AATK: variants seen among roughly 807,000 people sequenced by gnomAD.
AATK encodes the protein lemur tail kinase 1, also known as serine/threonine-protein kinase LMTK1.
A neutral mutation model predicts 114.3 loss-of-function variants in AATK; 91 were observed. The observed-to-expected ratio is 0.80, with a 90% confidence interval of 0.67 to 0.95. The LOEUF (loss-of-function observed/expected upper bound fraction) is 0.95. AATK is among the 40% of genes least tolerant of loss of function. The pLI is 0.00. For missense variants in AATK, 2,176 were observed against 1,965.2 expected (o/e 1.11, Z -2.03); for synonymous variants, 1,075 against 916.5 (o/e 1.17, Z -3.12).
chr17:81,138,186 C>CGT (rs1567817590), intron 1 of AATK, among the ~76,000 whole-genome samples: 2 of 150,622 alleles, frequency 1.3e-5, no homozygotes. Context: ...CCCACACATG[C>CGT]GTGCACACAC....
In AATK at chr17:81,117,322, TAAAAAAC is replaced by T. The variant is rs1348500980; in HGVS notation, c.*1073_*1079del. ...TCTTTTGTCTTAGCTTCATTTCTCTTAAAAAACAAGGAACAAGAAAACATTGCACCAG... is the reference window on the plus strand; with the variant it reads ...TCTTTTGTCTTAGCTTCATTTCTCTTAAGGAACAAGAAAACATTGCACCAG... On this transcript the variant is annotated 3_prime_UTR_variant, in exon 14 of 14. Coordinates refer to ENST00000326724, the MANE Select transcript of AATK (RefSeq NM_001080395.3). The T allele has an allele frequency of 1.3e-5, 2 of 152,324 alleles. No individual in the cohort carries two copies. Among genetic ancestry groups the T allele is most frequent in the African/African-American group, 2.4e-5 (1 of 41,552 alleles). The allele number at this position is 152,324 out of a possible 1,614,324, so 9.4% of individuals were successfully genotyped here. A position where few individuals can be genotyped will look rare whatever the true frequency, so the allele number is the denominator to read the frequency against.
At chr17:81,140,709 G>A in intron 1 of AATK, among the ~76,000 whole-genome samples, 2 of 89,776 alleles carry the variant, frequency 2.2e-5, no homozygotes, top group African/African-American at 4.7e-5. Flanking sequence ...CTGTGGGGCG[G>A]TGAGACCGTG....
chr17:81,126,888 T>C lies in AATK; in HGVS notation c.622-328A>G, dbSNP rs972285287. The C allele has an allele frequency of 8.7e-7, 1 of 1,143,608 alleles. No individual in the cohort carries two copies. Among genetic ancestry groups the C allele is most frequent in the African/African-American group, 1.6e-5 (1 of 63,170 alleles). The allele number at this position is 1,143,608 out of a possible 1,614,324, so 70.8% of individuals were successfully genotyped here. A position where few individuals can be genotyped will look rare whatever the true frequency, so the allele number is the denominator to read the frequency against. ...GGAGTCTGGGGCTGGTGGTCGAGGGTTGGCCGGCAGCCCCTGACCTGCCGA... is the reference window on the plus strand; with the variant it reads ...GGAGTCTGGGGCTGGTGGTCGAGGGCTGGCCGGCAGCCCCTGACCTGCCGA... On this transcript the variant is annotated intron_variant, in intron 6 of 13. Transcript: ENST00000326724. The surrounding 1 kb of genome is among the most constrained non-coding windows in gnomAD (Gnocchi z 5.1).
At chr17:81,128,004 C>T (rs1486985903) in intron 4 of AATK, 94 bp from the exon 5 acceptor site, 1 of 1,469,582 alleles carries the variant, frequency 6.8e-7, no homozygotes, top group Non-Finnish European at 9.2e-7. Context: ...ACGCCGGCCC[C>T]CAGGACAGGA....
At chr17:81,154,828 A>C (rs550012855) in intron 1 of AATK, among the ~76,000 whole-genome samples, 15,033 of 134,240 alleles carry the variant, frequency 0.11, 1,716 homozygotes, top group African/African-American at 0.26. Context: ...CGGGGTTTCA[A>C]CATGTTGGCC....
intron 1 of AATK, among the ~76,000 whole-genome samples, chr17:81,155,609 C>T (rs995627941): frequency 1.3e-5 from 2 of 151,914 alleles, no homozygotes; most frequent in Non-Finnish European, 2.9e-5. Context: ...TGGTCTCGAA[C>T]TCCTGACCTT....
chr17:81,132,440 C>T (rs1183948191), intron 2 of AATK, among the ~76,000 whole-genome samples: 1 of 152,252 alleles, frequency 6.6e-6, no homozygotes, highest in African/African-American at 2.4e-5. Flanking sequence ...CAGGCCCAGC[C>T]TGCCCTTTCG....
intron 3 of AATK, among the ~76,000 whole-genome samples, chr17:81,130,580 G>A (rs2060914641): frequency 6.6e-6 from 1 of 152,126 alleles, no homozygotes; most frequent in Non-Finnish European, 1.5e-5. Flanking sequence ...CCCTCCTCCT[G>A]CCATGCACAA....
Position 81,122,319 on chromosome 17 carries a change from G to C in AATK, c.1617C>G (p.Pro539=). 1 of 1,509,890 alleles carries C rather than the reference G, an allele frequency of 6.6e-7. No homozygotes were observed. The highest frequency in any genetic ancestry group is 8.8e-7 in the Non-Finnish European group (1 of 1,134,144). 93.5% of individuals were successfully genotyped at this position (1,509,890 alleles called of 1,614,324 possible). A position where few individuals can be genotyped will look rare whatever the true frequency, so the allele number is the denominator to read the frequency against. ...EYFIRLEEAA[P]AAGHDPDCAG... Reference sequence around the variant, plus strand: ...CGCAGTCAGGGTCGTGGCCGGCGGCGGGTGCGGCCTCCTCTAGGCGGATGA... The same window carrying C: ...CGCAGTCAGGGTCGTGGCCGGCGGCCGGTGCGGCCTCCTCTAGGCGGATGA... The change falls in exon 11 of 14, where the codon CCC becomes CCG. Residue 539 remains proline (P), a synonymous_variant. Transcript: ENST00000326724.
At chr17:81,132,473 G>C (rs2060948294) in intron 2 of AATK, among the ~76,000 whole-genome samples, 1 of 152,218 alleles carries the variant, frequency 6.6e-6, no homozygotes. Flanking sequence ...ACTCAGGGAT[G>C]GGGGACGCAG....
chr17:81,161,586 C>T (rs1356964843), intron 1 of AATK, among the ~76,000 whole-genome samples: 1 of 152,168 alleles, frequency 6.6e-6, no homozygotes, highest in Non-Finnish European at 1.5e-5. Flanking sequence ...GCAGAGAGGA[C>T]GTGAACAGTC....
intron 2 of AATK, chr17:81,133,146 G>A (rs1341998132): frequency 4.4e-6 from 2 of 456,764 alleles, no homozygotes; most frequent in East Asian, 1.4e-4. Context: ...CCCACAGCCT[G>A]GGGCCACAGC....
chr17:81,120,300 C>T lies in AATK; in HGVS notation c.3636G>A (p.Lys1212=). The T allele has an allele frequency of 6.2e-7, 1 of 1,610,074 alleles. No homozygotes were observed. Among genetic ancestry groups the T allele is most frequent in the South Asian group, 1.1e-5 (1 of 91,058 alleles). Residue 1212 remains lysine (K), a synonymous_variant, in exon 11 of 14, where the codon AAG becomes AAA. Coordinates refer to ENST00000326724, the MANE Select transcript of AATK (RefSeq NM_001080395.3). ...AGGTCTCGGACAGCAGGCTGGGCAT[C>T]TTGAGCAGGCTGCGCAGGTTGCGCG... The part of the protein sequence containing the change: ...QSARNLRSLL[K]MPSLLSETFC...
chr17:81,156,757 T>C (rs573439650), intron 1 of AATK, among the ~76,000 whole-genome samples: 49 of 152,384 alleles, frequency 3.2e-4, no homozygotes, highest in Non-Finnish European at 5.6e-4. Flanking sequence ...TTTGGAATTT[T>C]GACCTTTTGG....
chr17:81,127,988 C>T (rs1314308959), intron 4 of AATK, 78 bp from the exon 5 acceptor site: 35 of 1,511,582 alleles, frequency 2.3e-5, no homozygotes, highest in South Asian at 8.8e-5. Context: ...TTCTCCCACC[C>T]GCCCCACGCC....
intron 1 of AATK, among the ~76,000 whole-genome samples, chr17:81,159,259 C>A (rs554478001): frequency 1.3e-5 from 2 of 152,216 alleles, no homozygotes; most frequent in African/African-American, 2.4e-5. Context: ...TAGCAGCCCA[C>A]GGGACAGCCC....
At chr17:81,132,756 T>C in intron 2 of AATK, 1 of 236,096 alleles carries the variant, frequency 4.2e-6, no homozygotes, top group Non-Finnish European at 9.0e-6. Context: ...TCAGCACAGC[T>C]CCCCACCAGG....
intron 1 of AATK, 109 bp from the exon 2 acceptor site, chr17:81,134,610 G>A (rs1171742060): frequency 2.1e-6 from 3 of 1,407,426 alleles, no homozygotes; most frequent in Non-Finnish European, 9.6e-7. Context: ...TCCAGGCTGG[G>A]CCTCAGCACC....
intron 1 of AATK, among the ~76,000 whole-genome samples, chr17:81,146,211 A>G (rs910957022): frequency 4.6e-5 from 7 of 151,568 alleles, no homozygotes; most frequent in African/African-American, 1.7e-4. Context: ...AAAAGAAAAA[A>G]TTAGCTGGGC....
Sources: gnomAD v4.1 joint callset for allele counts (sites outside exome capture counted in the v4.1 genomes callset) on GRCh38, gnomAD v4.1.1 for gene constraint, Gnocchi (gnomAD v3.1) non-coding constraint, MANE v1.5 for transcripts, NCBI Gene and HGNC (gene_info 2026-07-23, HGNC 2026-07-21) for gene names.